Variants in ACTA2 observed in about 807,000 individuals in gnomAD.
The protein encoded by ACTA2 is actin, aortic smooth muscle.
Under a neutral mutation model 39.5 loss-of-function variants are expected in ACTA2, and 12 were observed. The observed-to-expected ratio is 0.30, with a 90% CI of 0.19 to 0.49. ACTA2 has a LOEUF of 0.49. ACTA2 is among the 20% of genes least tolerant of loss of function. The pLI, the probability that ACTA2 is intolerant of heterozygous loss-of-function variation, is 0.99. For synonymous variants in ACTA2, 158 were observed against 180.6 expected, an observed-to-expected ratio of 0.88 and a Z score of 1.00; for missense variants, 236 against 498.8, an observed-to-expected ratio of 0.47 and a Z score of 5.02.
Position 88,990,576 on chromosome 10 carries a change from C to CA in ACTA2, c.-24+362dup, listed in dbSNP as rs1294088697. 2 of 659,584 alleles carry CA rather than the reference C, an allele frequency of 3.0e-6. No individual in the cohort carries two copies. Among genetic ancestry groups the CA allele is most frequent in the Non-Finnish European group, 5.6e-6 (2 of 359,066 alleles). The allele number at this position is 659,584 out of a possible 1,614,324, so 40.9% of individuals were successfully genotyped here. A position where few individuals can be genotyped will look rare whatever the true frequency, so the allele number is the denominator to read the frequency against. On this transcript the variant is annotated intron_variant, in intron 1 of 4. Transcript: ENST00000415557. This position sits in a 1 kb window ranked among gnomAD's most constrained non-coding sequence, Gnocchi z 4.9. ...GTTGCTGAATCAATGGAGCCCTCCC[C>CA]AACCCGGGCGTTCCCCAGCGAGGCT...
intron 1 of ACTA2, chr10:88,973,275 G>A: frequency 1.2e-6 from 2 of 1,612,264 alleles, no homozygotes; most frequent in Non-Finnish European, 1.7e-6. Flanking sequence ...CCCACTCTTG[G>A]GGATCTCTAG....
rs544038010 is a variant in ACTA2, at chr10:88,965,100, G to T, written c.-23-16147C>A. 3.9e-5 allele frequency among the ~76,000 whole-genome samples: 6 copies of T among 152,240 alleles called. No individual in the cohort carries two copies. In the East Asian group the frequency reaches 1.2e-3, roughly 29 times the overall value. On this transcript the variant is annotated intron_variant, in intron 1 of 4. Transcript: ENST00000415557. ...AAAGTCTACTCAAAATTCATCTACA[G>T]CAAACCTTCTTAGATGCATTTTTTC...
chr10:88,979,346 C>A (rs1352451422), intron 1 of ACTA2, among the ~76,000 whole-genome samples: 1 of 152,136 alleles, frequency 6.6e-6, no homozygotes, highest in East Asian at 1.9e-4. Flanking sequence ...GAAGGGAAGA[C>A]TTGTGGCTCA....
At chr10:88,979,940 C>T (rs190841792) in intron 1 of ACTA2, among the ~76,000 whole-genome samples, 15 of 152,232 alleles carry the variant, frequency 9.9e-5, no homozygotes, top group African/African-American at 3.1e-4. Context: ...ATAGTTCTTA[C>T]GTTCAAAGAG....
At chr10:88,956,664 G>A (rs1440480528), upstream of ACTA2, among the ~76,000 whole-genome samples, 1 of 152,188 alleles carries the variant, frequency 6.6e-6, no homozygotes, top group Non-Finnish European at 1.5e-5. Flanking sequence ...GCCATTACAT[G>A]TCAAGGCTTT....
chr10:88,991,036 CTG>C (rs1257635065), exon 1 of ACTA2: 1 of 1,297,866 alleles, frequency 7.7e-7, no homozygotes, highest in African/African-American at 1.5e-5. Flanking sequence ...GAGCGGCGGG[CTG>C]CTGCGGGAGG....
chr10:88,936,456 G>T (rs1315002472), intron 8 of ACTA2, among the ~76,000 whole-genome samples: 2 of 152,132 alleles, frequency 1.3e-5, no homozygotes, highest in Non-Finnish European at 2.9e-5. Context: ...TTTGGATCAC[G>T]TGGGTGGATC....
intron 1 of ACTA2, among the ~76,000 whole-genome samples, chr10:88,969,975 A>T (rs926982332): frequency 1.5e-4 from 23 of 152,328 alleles, no homozygotes; most frequent in Non-Finnish European, 3.1e-4. Flanking sequence ...AACTCTTCAT[A>T]AAATAAACAC....
At chr10:88,956,537 C>A (rs938619760), upstream of ACTA2, among the ~76,000 whole-genome samples, 4 of 152,128 alleles carry the variant, frequency 2.6e-5, no homozygotes, top group African/African-American at 9.7e-5. Flanking sequence ...GCAAAGTCAC[C>A]ATTTTGTGTG....
chr10:88,980,570 G>A (rs1001879983), intron 1 of ACTA2, among the ~76,000 whole-genome samples: 7 of 152,184 alleles, frequency 4.6e-5, no homozygotes, highest in African/African-American at 1.7e-4. Context: ...CCTGCCTACT[G>A]CTATTCCCTG....
chr10:88,959,320 T>A (rs997326897), intron 1 of ACTA2, among the ~76,000 whole-genome samples: 2 of 152,170 alleles, frequency 1.3e-5, no homozygotes, highest in Admixed American at 1.3e-4. Flanking sequence ...TCTAGATCAA[T>A]TAAATCAGAG....
intron 1 of ACTA2, among the ~76,000 whole-genome samples, chr10:88,982,427 T>TC (rs921785793): frequency 7.2e-5 from 11 of 152,108 alleles, no homozygotes; most frequent in Admixed American, 5.2e-4. Context: ...TGTGTTTTTT[T>TC]CTTTTTTTTT....
intron 1 of ACTA2, among the ~76,000 whole-genome samples, chr10:88,960,841 G>A (rs1030962459): frequency 1.3e-5 from 2 of 152,170 alleles, no homozygotes; most frequent in Non-Finnish European, 2.9e-5. Flanking sequence ...ATCTTACCAA[G>A]GGGAAATTGT....
intron 1 of ACTA2, among the ~76,000 whole-genome samples, chr10:88,980,545 A>C (rs1846685440): frequency 1.4e-5 from 2 of 145,924 alleles, no homozygotes. Flanking sequence ...CCAGGAAGGC[A>C]AGGAATGTTC....
rs767394348 is a variant in ACTA2 at position 88,990,762 on chromosome 10, C to A, written c.-24+177G>T. ...GGGGCGGGCACTGGCACGGAACACA[C>A]CCTGAGGCCAGCCCTGGCTGCCCAG... On this transcript the variant is annotated intron_variant, in intron 1 of 4. Transcript: ENST00000415557. The surrounding 1 kb of genome is among the most constrained non-coding windows in gnomAD (Gnocchi z 4.9). The A allele has an allele frequency of 1.4e-5, 19 of 1,375,052 alleles. No individual in the cohort carries two copies. Among genetic ancestry groups the A allele is most frequent in the Non-Finnish European group, 1.9e-5 (18 of 970,812 alleles). The allele number at this position is 1,375,052 out of a possible 1,614,324, so 85.2% of individuals were successfully genotyped here.
chr10:88,948,779 G>A, intron 2 of ACTA2, 23 bp downstream of exon 2: 1 of 1,613,596 alleles, frequency 6.2e-7, no homozygotes, highest in Non-Finnish European at 8.5e-7. Flanking sequence ...GTCCTGTTAT[G>A]TTCCAATCAT....
chr10:88,991,073 T>G lies in ACTA2; in HGVS notation c.-158A>C, dbSNP rs1478689919. 5 of 808,644 alleles carry G rather than the reference T, an allele frequency of 6.2e-6. No individual in the cohort carries two copies. The East Asian group carries it at 1.3e-4, about 21-fold the overall frequency. 50.1% of individuals were successfully genotyped at this position (808,644 alleles called of 1,614,324 possible). A position where few individuals can be genotyped will look rare whatever the true frequency, so the allele number is the denominator to read the frequency against. ...GCGTTGGAGACTGGCTCCCGGGGGCTGTTAGGACCTTCCCTCAGGCCCGGG... is the reference window on the plus strand; with the variant it reads ...GCGTTGGAGACTGGCTCCCGGGGGCGGTTAGGACCTTCCCTCAGGCCCGGG... On this transcript the variant is annotated 5_prime_UTR_variant, in exon 1 of 5. Transcript: ENST00000415557.
intron 2 of ACTA2, among the ~76,000 whole-genome samples, chr10:88,947,728 A>G (rs1438953137): frequency 1.3e-5 from 2 of 152,230 alleles, no homozygotes; most frequent in Non-Finnish European, 2.9e-5. Flanking sequence ...GTGGCACTCA[A>G]TAATTATTTG....
Position 88,990,609 on chromosome 10 carries a change from C to T in ACTA2, c.-24+330G>A. 2.9e-6 allele frequency: 2 copies of T among 683,774 alleles called. No individual in the cohort carries two copies. Among genetic ancestry groups the T allele is most frequent in the Non-Finnish European group, 5.3e-6 (2 of 374,484 alleles). 42.4% of individuals were successfully genotyped at this position (683,774 alleles called of 1,614,324 possible). On this transcript the variant is annotated intron_variant, in intron 1 of 4. Transcript: ENST00000415557. The surrounding 1 kb of genome is among the most constrained non-coding windows in gnomAD (Gnocchi z 4.9). ...GCGTTCCCCAGCGAGGCTTCCTTCC[C>T]ATCCTCCTGACCACCGGGGCTTTTC...
Sources: allele counts gnomAD v4.1 joint callset (sites outside exome capture counted in the v4.1 genomes callset), GRCh38; gene constraint gnomAD v4.1.1; non-coding constraint Gnocchi (gnomAD v3.1); transcripts MANE v1.5; gene names NCBI Gene and HGNC (gene_info 2026-07-23, HGNC 2026-07-21).